NAXD: variants seen among roughly 807,000 people sequenced by gnomAD.
The protein encoded by NAXD is ATP-dependent (S)-NAD(P)H-hydrate dehydratase.
A neutral mutation model predicts 35.8 loss-of-function variants in NAXD; 22 were observed. The ratio of observed to expected loss-of-function variants is 0.62; its 90% confidence interval spans 0.44 to 0.88. NAXD has a LOEUF of 0.88. Ranked by LOEUF, NAXD falls within the 40% of genes least tolerant of loss-of-function variation. The pLI, the probability that NAXD is intolerant of heterozygous loss-of-function variation, is 0.00. For synonymous variants in NAXD, 189 were observed against 177.6 expected (o/e 1.06, Z -0.51); for missense variants, 428 against 437.7 (o/e 0.98, Z 0.20).
chr13:110,638,507 C>G lies in NAXD; in HGVS notation c.969C>G (p.Phe323Leu). ...TGATCGCCGAGGTGGGGGCCGCCTT[C>G]AGCAAGCTCTTTGAAACCTGAGCCC... The part of the protein sequence containing the change: ...SDMIAEVGAA[F>L]SKLFET The change falls in exon 10 of 10, where the codon TTC becomes TTG. Residue 323 changes from phenylalanine (F) to leucine (L), a missense_variant. Transcript: ENST00000680254. The surrounding 1 kb of genome is among the most constrained non-coding windows in gnomAD (Gnocchi z 5.4). 6.2e-7 allele frequency: 1 copy of G among 1,612,692 alleles called. No individual in the cohort carries two copies. Among genetic ancestry groups the G allele is most frequent in the East Asian group, 2.2e-5 (1 of 44,876 alleles).
intron 9 of NAXD, chr13:110,637,639 T>A (rs1886983949): frequency 2.1e-5 from 8 of 388,292 alleles, no homozygotes; most frequent in South Asian, 1.5e-4. Context: ...GAATTTTCTT[T>A]AAGAGACAGC....
chr13:110,636,427 C>T (rs994360551), intron 8 of NAXD, among the ~76,000 whole-genome samples: 10 of 152,110 alleles, frequency 6.6e-5, no homozygotes, highest in African/African-American at 1.9e-4. Context: ...CTTGCACACT[C>T]GCACTTATAC....
At chr13:110,622,595 A>G (rs1886311115) in intron 2 of NAXD, among the ~76,000 whole-genome samples, 1 of 152,216 alleles carries the variant, frequency 6.6e-6, no homozygotes, top group Admixed American at 6.6e-5. Context: ...GTTTTGTCGT[A>G]GTGGGGAAAT....
Position 110,638,338 on chromosome 13 carries a change from G to A in NAXD, c.840-40G>A, listed in dbSNP as rs115969108. ...GTAGCTGCGGCCCCCGGACCACGAC[G>A]CCCACTTCCCCACACCTCCTGCTGT... On this transcript the variant is annotated intron_variant, in intron 9 of 9. Transcript: ENST00000680254. This position sits in a 1 kb window ranked among gnomAD's most constrained non-coding sequence, Gnocchi z 5.4. 1,130 of 1,613,618 alleles carry A rather than the reference G, an allele frequency of 7.0e-4. 1 individual carries two copies. Among genetic ancestry groups the A allele is most frequent in the Non-Finnish European group, 8.8e-4 (1,035 of 1,179,848 alleles).
At chr13:110,623,901 C>T (rs1886358657) in intron 2 of NAXD, among the ~76,000 whole-genome samples, 1 of 151,568 alleles carries the variant, frequency 6.6e-6, no homozygotes, top group South Asian at 2.1e-4. Flanking sequence ...ACTCAGGAGG[C>T]TGAGGCAGGA....
At chr13:110,615,922 G>A (rs559804196) in intron 1 of NAXD, 7 of 608,122 alleles carry the variant, frequency 1.2e-5, no homozygotes, top group South Asian at 1.2e-4. Flanking sequence ...CGACGGCTGG[G>A]CGCGGCTTGG....
At chr13:110,627,966 T>C (rs1304156006) in intron 5 of NAXD, among the ~76,000 whole-genome samples, 2 of 152,168 alleles carry the variant, frequency 1.3e-5, no homozygotes, top group Non-Finnish European at 2.9e-5. Context: ...GGCGCCATGC[T>C]CTGCTGACAT....
At chr13:110,615,925 C>T (rs1287474106) in intron 1 of NAXD, 2 of 581,562 alleles carry the variant, frequency 3.4e-6, no homozygotes, top group Non-Finnish European at 5.1e-6. Flanking sequence ...CGGCTGGGCG[C>T]GGCTTGGGTG....
intron 5 of NAXD, among the ~76,000 whole-genome samples, chr13:110,629,333 C>T (rs544783895): frequency 2.6e-4 from 39 of 152,316 alleles, no homozygotes; most frequent in African/African-American, 9.1e-4. Context: ...ACCTACCATA[C>T]CCCTCACCCA....
chr13:110,619,297 A>G (rs1016834481), intron 1 of NAXD, among the ~76,000 whole-genome samples: 2 of 152,168 alleles, frequency 1.3e-5, no homozygotes, highest in Admixed American at 6.5e-5. Context: ...TGTTTGTAAG[A>G]TATGAATCTT....
intron 5 of NAXD, among the ~76,000 whole-genome samples, chr13:110,633,971 TG>T (rs1886821386): frequency 6.6e-6 from 1 of 152,036 alleles, no homozygotes; most frequent in Non-Finnish European, 1.5e-5. Flanking sequence ...TGGATGCCCT[TG>T]CTGGGGCGGG....
At chr13:110,620,994 A>G (rs1886242899) in intron 1 of NAXD, among the ~76,000 whole-genome samples, 1 of 152,258 alleles carries the variant, frequency 6.6e-6, no homozygotes, top group East Asian at 1.9e-4. Flanking sequence ...TTAAGGTAAA[A>G]TATATAACAC....
At chr13:110,618,210 C>T (rs1203010965) in intron 1 of NAXD, among the ~76,000 whole-genome samples, 1 of 152,150 alleles carries the variant, frequency 6.6e-6, no homozygotes, top group African/African-American at 2.4e-5. Flanking sequence ...TTTAAGCTAG[C>T]TTCCATTTGA....
At chr13:110,625,835 TTG>T (rs1449313805) in intron 4 of NAXD, among the ~76,000 whole-genome samples, 3 of 152,176 alleles carry the variant, frequency 2.0e-5, no homozygotes, top group Admixed American at 6.5e-5. Flanking sequence ...TTACTTTTCA[TTG>T]TGTGTGTTTG....
chr13:110,637,981 C>G (rs946191543), intron 9 of NAXD, among the ~76,000 whole-genome samples: 1 of 152,194 alleles, frequency 6.6e-6, no homozygotes, highest in African/African-American at 2.4e-5. Flanking sequence ...GCCTCCACCC[C>G]TCCCCCAGGA....
rs376657303 is a variant in NAXD at position 110,630,404 on chromosome 13, T to A, written c.441+2857T>A. ...TGAAAACTGTTTTTTGCCTTTTTTT[T>A]ATTGACTTTTAGGAGTTCTTCATAT... is the stretch of plus-strand genomic sequence containing the variant. On this transcript the variant is annotated intron_variant, in intron 5 of 9. Transcript: ENST00000680254. Among the ~76,000 whole-genome samples the A allele has an allele frequency of 4.4e-4, 67 of 152,298 alleles. No homozygotes were observed. The South Asian group carries it at 7.9e-3, about 18-fold the overall frequency.
rs887064922 is a variant in NAXD at position 110,625,120 on chromosome 13, G to T, written c.244-70G>T. ...CAGGGCTGAGTAATGAGCGCTGGAC[G>T]CCTGTGTCTGGCGGGTGGGCAGCGA... On this transcript the variant is annotated intron_variant, in intron 3 of 9. Transcript: ENST00000680254. 3.6e-6 allele frequency: 4 copies of T among 1,110,048 alleles called. No homozygotes were observed. In the African/African-American group the frequency reaches 4.6e-5, roughly 13 times the overall value. 68.8% of individuals were successfully genotyped at this position (1,110,048 alleles called of 1,614,324 possible). A position where few individuals can be genotyped will look rare whatever the true frequency, so the allele number is the denominator to read the frequency against.
Position 110,638,149 on chromosome 13 carries a change from C to G in NAXD, c.840-229C>G. ...GTGTGCCCTAGCCCTGGACCTGTCT[C>G]CGAGTACATAGACGTTTCCTGTGTG... On this transcript the variant is annotated intron_variant, in intron 9 of 9. Transcript: ENST00000680254. The surrounding 1 kb of genome is among the most constrained non-coding windows in gnomAD (Gnocchi z 5.4). 7.7e-7 allele frequency: 1 copy of G among 1,293,994 alleles called. No homozygotes were observed. Among genetic ancestry groups the G allele is most frequent in the East Asian group, 2.3e-5 (1 of 42,978 alleles). 80.2% of individuals were successfully genotyped at this position (1,293,994 alleles called of 1,614,324 possible).
At chr13:110,636,898 T>C (rs1886946738) in intron 8 of NAXD, among the ~76,000 whole-genome samples, 1 of 152,212 alleles carries the variant, frequency 6.6e-6, no homozygotes, top group Admixed American at 6.5e-5. Flanking sequence ...CAGCGGGGTC[T>C]GGGGCAGCCT....
Sources: gnomAD v4.1 joint callset for allele counts (sites outside exome capture counted in the v4.1 genomes callset) on GRCh38, gnomAD v4.1.1 for gene constraint, Gnocchi (gnomAD v3.1) non-coding constraint, MANE v1.5 for transcripts, NCBI Gene and HGNC (gene_info 2026-07-23, HGNC 2026-07-21) for gene names.